Variants in TBX15 observed in about 807,000 individuals in gnomAD.
The protein encoded by TBX15 is T-box transcription factor TBX15.
In TBX15, 18 loss-of-function variants were observed where a neutral mutation model predicts 53.9. The ratio of observed to expected loss-of-function variants is 0.33; its 90% CI spans 0.23 to 0.49. The LOEUF (loss-of-function observed/expected upper bound fraction) is 0.49, where lower values mean the gene tolerates loss of function less well. Among genes scored for constraint, TBX15 ranks in the 20% least tolerant of loss-of-function variants. The probability of loss-of-function intolerance (pLI) is 0.98; values close to 1 mark genes in which losing one functional copy is unlikely to be tolerated. For synonymous variants in TBX15, 295 were observed against 278.0 expected, an observed-to-expected ratio of 1.06 and a Z score of -0.61; for missense variants, 692 against 749.5, an observed-to-expected ratio of 0.92 and a Z score of 0.90.
intron 7 of TBX15, among the ~76,000 whole-genome samples, chr1:118,889,853 GTCTTAAACTCCTGGGC>G (rs1205021993): frequency 1.3e-5 from 2 of 152,056 alleles, no homozygotes; most frequent in East Asian, 3.9e-4. Flanking sequence ...GCTCAGGCTG[GTCTTAAACTCCTGGGC>G]TCAAGAAATC....
chr1:118,925,924 C>A (rs184893531), intron 3 of TBX15, among the ~76,000 whole-genome samples: 59 of 151,284 alleles, frequency 3.9e-4, no homozygotes, highest in African/African-American at 1.4e-3. Flanking sequence ...TTTTTTCTGG[C>A]AAGAACTATG....
rs1168377497 is a variant in TBX15 at position 118,939,430 on chromosome 1, AAAAAAAC to A, written c.206-7605_206-7599del. On this transcript the variant is annotated intron_variant, in intron 1 of 7. Coordinates refer to ENST00000369429, the MANE Select transcript of TBX15 (RefSeq NM_001330677.2). ...CTCAAAAAAAAAAAAAAAAAAAAAA[AAAAAAAC>A]AAAAACAGGAACAGAAAACCAAATA... 2.8e-4 allele frequency among the ~76,000 whole-genome samples: 28 copies of A among 99,898 alleles called. 3 individuals carry two copies. The highest frequency in any genetic ancestry group is 1.1e-3 in the African/African-American group (23 of 20,890). The allele number at this position is 99,898 out of a possible 152,430, so 65.5% of individuals were successfully genotyped here.
intron 1 of TBX15, among the ~76,000 whole-genome samples, chr1:118,983,502 A>G (rs1345716165): frequency 6.6e-6 from 1 of 152,104 alleles, no homozygotes; most frequent in Non-Finnish European, 1.5e-5. Flanking sequence ...CTTGGCGGTC[A>G]TCCCCTCAGC....
At chr1:118,940,778 T>C (rs1656153344) in intron 1 of TBX15, among the ~76,000 whole-genome samples, 1 of 151,184 alleles carries the variant, frequency 6.6e-6, no homozygotes, top group African/African-American at 2.4e-5. Flanking sequence ...TCTAAAACAG[T>C]CCTAATTTCA....
At chr1:118,927,553 G>A (rs768399506) in intron 2 of TBX15, among the ~76,000 whole-genome samples, 3 of 152,174 alleles carry the variant, frequency 2.0e-5, no homozygotes, top group Non-Finnish European at 4.4e-5. Context: ...TTCTCAGGCT[G>A]TCAACGTGTG....
chr1:118,888,233 C>T (rs1315829951), intron 7 of TBX15, among the ~76,000 whole-genome samples: 1 of 152,320 alleles, frequency 6.6e-6, no homozygotes, highest in African/African-American at 2.4e-5. Context: ...ACTAGCAATG[C>T]AGGCCACCTC....
At chr1:118,906,168 A>G (rs374651585) in intron 6 of TBX15, among the ~76,000 whole-genome samples, 5 of 152,366 alleles carry the variant, frequency 3.3e-5, no homozygotes, top group African/African-American at 1.2e-4. Flanking sequence ...AACAATAAAT[A>G]TATGAGGTTA....
chr1:118,947,885 C>T (rs1023567165), intron 1 of TBX15, among the ~76,000 whole-genome samples: 13 of 152,142 alleles, frequency 8.5e-5, no homozygotes, highest in African/African-American at 3.1e-4. Context: ...ACTATTGCCT[C>T]ATTTTTAAAA....
intron 7 of TBX15, among the ~76,000 whole-genome samples, chr1:118,889,526 C>G (rs12031908): frequency 0.11 from 16,248 of 152,232 alleles, 1,141 homozygotes; most frequent in East Asian, 0.29. Flanking sequence ...GTGCCCTCCT[C>G]CCCTCTGTAC....
chr1:118,971,311 A>T (rs1008828976), intron 1 of TBX15, among the ~76,000 whole-genome samples: 5 of 152,204 alleles, frequency 3.3e-5, no homozygotes, highest in Admixed American at 6.5e-5. Flanking sequence ...ATATAGAGAG[A>T]TCAACAGACA....
At chr1:118,933,885 A>G (rs1655882070) in intron 1 of TBX15, among the ~76,000 whole-genome samples, 2 of 152,206 alleles carry the variant, frequency 1.3e-5, no homozygotes, top group African/African-American at 4.8e-5. Flanking sequence ...CACAATTACA[A>G]AAAATTGGAA....
Position 118,987,957 on chromosome 1 carries a change from C to T in TBX15, c.-162G>A. 3 of 794,566 alleles carry T rather than the reference C, an allele frequency of 3.8e-6. No individual in the cohort carries two copies. Among genetic ancestry groups the T allele is most frequent in the South Asian group, 3.6e-5 (2 of 54,910 alleles). The allele number at this position is 794,566 out of a possible 1,614,324, so 49.2% of individuals were successfully genotyped here. ...GGGTCTCTCCACCCTCCCCCTGCGTCCTCCTCCGCCCTCCTCTGCCGGATC... is the reference window on the plus strand; with the variant it reads ...GGGTCTCTCCACCCTCCCCCTGCGTTCTCCTCCGCCCTCCTCTGCCGGATC... On this transcript the variant is annotated 5_prime_UTR_variant, in exon 1 of 8. Coordinates refer to ENST00000369429, the MANE Select transcript of TBX15 (RefSeq NM_001330677.2).
intron 1 of TBX15, among the ~76,000 whole-genome samples, chr1:118,961,621 T>A (rs1656875502): frequency 6.6e-6 from 1 of 152,144 alleles, no homozygotes; most frequent in African/African-American, 2.4e-5. Context: ...ATCCCCATAT[T>A]TAAGTGTGAA....
intron 1 of TBX15, among the ~76,000 whole-genome samples, chr1:118,976,491 C>T (rs1302826152): frequency 2.6e-5 from 4 of 152,130 alleles, no homozygotes; most frequent in Non-Finnish European, 4.4e-5. Context: ...TTTCTGAGCT[C>T]CGGGAAGAAA....
chr1:118,961,760 T>G (rs1250609042), intron 1 of TBX15, among the ~76,000 whole-genome samples: 1 of 152,176 alleles, frequency 6.6e-6, no homozygotes, highest in African/African-American at 2.4e-5. Flanking sequence ...GAGCATCTCC[T>G]TGGTACCTGC....
chr1:118,984,795 AATAC>A (rs1280074794), intron 1 of TBX15, among the ~76,000 whole-genome samples: 3 of 152,146 alleles, frequency 2.0e-5, no homozygotes, highest in Non-Finnish European at 4.4e-5. Context: ...ACGCTTTCGA[AATAC>A]ATAGTTTCCT....
At chr1:118,961,570 T>C (rs1276579450) in intron 1 of TBX15, among the ~76,000 whole-genome samples, 1 of 152,166 alleles carries the variant, frequency 6.6e-6, no homozygotes, top group Admixed American at 6.5e-5. Flanking sequence ...AGAAGCTTGA[T>C]GATGGAGGCC....
intron 7 of TBX15, among the ~76,000 whole-genome samples, chr1:118,894,200 C>T (rs77444054): frequency 0.011 from 1,648 of 152,154 alleles, 30 homozygotes; most frequent in African/African-American, 0.038. Flanking sequence ...ACAGAGAGAA[C>T]GAGGGGAGGT....
chr1:118,947,587 A>C (rs568331343), intron 1 of TBX15, among the ~76,000 whole-genome samples: 1 of 152,236 alleles, frequency 6.6e-6, no homozygotes. Context: ...ATGAGGCACC[A>C]GCAAAATAAA....
Sources: gnomAD v4.1 joint callset for allele counts (sites outside exome capture counted in the v4.1 genomes callset) on GRCh38, gnomAD v4.1.1 for gene constraint, MANE v1.5 for transcripts, NCBI Gene and HGNC (gene_info 2026-07-23, HGNC 2026-07-21) for gene names.